The following FOCAD variants were observed in gnomAD, a reference collection of about 807,000 sequenced individuals.
FOCAD encodes the protein KIAA1797.
Under a neutral mutation model 225.6 loss-of-function variants are expected in FOCAD, and 198 were observed. The observed-to-expected ratio is 0.88, with a 90% CI of 0.78 to 0.99. FOCAD has a LOEUF of 0.99. FOCAD is among the 50% of genes least tolerant of loss of function. The pLI is 0.00. For synonymous variants in FOCAD, 897 were observed against 755.0 expected (o/e 1.19, Z -3.08); for missense variants, 2,713 against 2,123.6 (o/e 1.28, Z -5.46).
At chr9:20,734,737 T>C (rs1826996999) in intron 4 of FOCAD, among the ~76,000 whole-genome samples, 1 of 152,040 alleles carries the variant, frequency 6.6e-6, no homozygotes, top group African/African-American at 2.4e-5. Flanking sequence ...CCCAACCTCC[T>C]GGGCTCAAGT....
intron 11 of FOCAD, among the ~76,000 whole-genome samples, chr9:20,809,019 A>C (rs1325514196): frequency 1.5e-4 from 23 of 152,208 alleles, no homozygotes; most frequent in Non-Finnish European, 3.4e-4. Flanking sequence ...AGAAATGTAC[A>C]CAAAAGCATT....
intron 24 of FOCAD, among the ~76,000 whole-genome samples, chr9:20,918,792 AG>A (rs2132103373): frequency 6.6e-6 from 1 of 152,234 alleles, no homozygotes; most frequent in South Asian, 2.1e-4. Flanking sequence ...TGACAATACT[AG>A]GAATGGTAGC....
chr9:20,944,793 A>AT lies in FOCAD; in HGVS notation c.3555+26dup, dbSNP rs771811094. 11 of 1,598,672 alleles carry AT rather than the reference A, an allele frequency of 6.9e-6. No homozygotes were observed. Among genetic ancestry groups the AT allele is most frequent in the Admixed American group, 5.1e-5 (3 of 59,046 alleles). On this transcript the variant is annotated intron_variant, in intron 29 of 43. Coordinates refer to ENST00000338382, the MANE Select transcript of FOCAD (RefSeq NM_001375567.1). ...TCAGGAGGTAAGAGATGGAGGCTAC[A>AT]TTTTTTTCCCCTCTGCTCTCTTTTG...
intron 11 of FOCAD, among the ~76,000 whole-genome samples, chr9:20,812,440 A>C (rs1183754494): frequency 6.6e-6 from 1 of 152,086 alleles, no homozygotes; most frequent in Non-Finnish European, 1.5e-5. Flanking sequence ...TTCGTTATAG[A>C]ACTGTCTGAA....
intron 21 of FOCAD, among the ~76,000 whole-genome samples, chr9:20,893,357 C>A (rs898045545): frequency 6.6e-6 from 1 of 151,914 alleles, no homozygotes; most frequent in Non-Finnish European, 1.5e-5. Context: ...ATGCATTTGT[C>A]TGGGACCAAA....
chr9:20,932,706 G>A (rs1050093225), intron 27 of FOCAD, among the ~76,000 whole-genome samples: 2 of 152,126 alleles, frequency 1.3e-5, no homozygotes, highest in African/African-American at 2.4e-5. Context: ...TTGGAATTCC[G>A]AGTTTCTTTT....
At chr9:20,816,053 C>T (rs1260486834) in intron 11 of FOCAD, among the ~76,000 whole-genome samples, 1 of 152,076 alleles carries the variant, frequency 6.6e-6, no homozygotes, top group Non-Finnish European at 1.5e-5. Flanking sequence ...TTACTGTAAA[C>T]ATTTCCTTCT....
chr9:20,843,170 T>G (rs1442864491), intron 15 of FOCAD, among the ~76,000 whole-genome samples: 1 of 152,096 alleles, frequency 6.6e-6, no homozygotes, highest in African/African-American at 2.4e-5. Flanking sequence ...TAATGTTCTG[T>G]ATTTGTTTCT....
intron 6 of FOCAD, among the ~76,000 whole-genome samples, chr9:20,762,083 A>T (rs1829656122): frequency 6.6e-6 from 1 of 152,178 alleles, no homozygotes; most frequent in South Asian, 2.1e-4. Flanking sequence ...TCTTTATATG[A>T]ACCTTACATT....
intron 8 of FOCAD, 43 bp downstream of exon 8, chr9:20,770,281 A>G (rs1446377606): frequency 1.3e-6 from 2 of 1,522,092 alleles, no homozygotes; most frequent in Non-Finnish European, 1.8e-6. Context: ...ATTGCTATTA[A>G]GAAATACCTG....
chr9:20,970,744 C>T (rs1839694563), intron 35 of FOCAD, among the ~76,000 whole-genome samples: 1 of 152,038 alleles, frequency 6.6e-6, no homozygotes, highest in Non-Finnish European at 1.5e-5. Context: ...TTCCTTGTTT[C>T]ATTTTATGCT....
chr9:20,877,729 G>A (rs899213195), intron 19 of FOCAD, among the ~76,000 whole-genome samples: 3 of 152,094 alleles, frequency 2.0e-5, no homozygotes, highest in Admixed American at 1.3e-4. Flanking sequence ...GGCCAACATG[G>A]TGAAACCCTG....
At chr9:20,857,022 T>A (rs1321397587) in intron 15 of FOCAD, among the ~76,000 whole-genome samples, 1 of 152,080 alleles carries the variant, frequency 6.6e-6, no homozygotes, top group African/African-American at 2.4e-5. Context: ...TCAGATAATG[T>A]GATTCCTGCA....
At chr9:20,709,246 C>G (rs186094881) in intron 1 of FOCAD, among the ~76,000 whole-genome samples, 16 of 152,122 alleles carry the variant, frequency 1.1e-4, no homozygotes, top group Non-Finnish European at 4.4e-5. Flanking sequence ...TAAAAATTCT[C>G]TTTCTGATTT....
rs539432913 is a variant in FOCAD at position 20,711,208 on chromosome 9, A to G, written c.-32-4114A>G. Among the ~76,000 whole-genome samples the G allele has an allele frequency of 5.9e-5, 9 of 152,368 alleles. 1 individual carries two copies. The South Asian group carries it at 1.9e-3, about 32-fold the overall frequency. ...AGTTTAATATTTAAGCAGTGGAAGC[A>G]TATAGGAGACATTTTATGTGGGAGA... is the stretch of plus-strand genomic sequence containing the variant. On this transcript the variant is annotated intron_variant, in intron 1 of 43. Coordinates refer to ENST00000338382, the MANE Select transcript of FOCAD (RefSeq NM_001375567.1).
intron 2 of FOCAD, among the ~76,000 whole-genome samples, chr9:20,662,439 A>G (rs548510358): frequency 2.3e-3 from 345 of 152,248 alleles, no homozygotes; most frequent in Non-Finnish European, 3.6e-3. Flanking sequence ...GCAAGGGAAT[A>G]AAGACTGGGA....
chr9:20,852,367 T>C (rs1827743029), intron 15 of FOCAD, among the ~76,000 whole-genome samples: 1 of 151,580 alleles, frequency 6.6e-6, no homozygotes, highest in African/African-American at 2.4e-5. Flanking sequence ...TAGGGAGTTG[T>C]AGTTAGTTGT....
At chr9:20,720,732 C>T (rs753433230) in intron 4 of FOCAD, among the ~76,000 whole-genome samples, 198 bp downstream of exon 4, 2 of 152,104 alleles carry the variant, frequency 1.3e-5, no homozygotes, top group East Asian at 1.9e-4. Flanking sequence ...TGGTCATTTG[C>T]GGTACTTAAG....
chr9:20,742,766 G>C lies in FOCAD; in HGVS notation c.392+2426G>C, dbSNP rs149254468. 1.7e-3 allele frequency among the ~76,000 whole-genome samples: 258 copies of C among 152,164 alleles called. 3 individuals are homozygous for C. The East Asian group carries it at 0.042, about 25-fold the overall frequency. ...TTTTAATTCATTTTTTCCTATAGTT[G>C]GTTCCTTTAACTTCAGTCTTGTTTC... On this transcript the variant is annotated intron_variant, in intron 5 of 43. Transcript: ENST00000338382.
Sources: allele counts gnomAD v4.1 joint callset (sites outside exome capture counted in the v4.1 genomes callset), GRCh38; gene constraint gnomAD v4.1.1; transcripts MANE v1.5; gene names NCBI Gene and HGNC (gene_info 2026-07-23, HGNC 2026-07-21).